The following CSMD1 variants were observed in gnomAD, a reference collection of about 807,000 sequenced individuals.
CSMD1 encodes CUB and sushi domain-containing protein 1.
Under a neutral mutation model 417.5 loss-of-function variants are expected in CSMD1, and 213 were observed. The observed-to-expected ratio is 0.51, with a 90% CI of 0.46 to 0.57. The LOEUF is 0.57. CSMD1 is among the 20% of genes least tolerant of loss of function. CSMD1 has a pLI of 0.00. For synonymous variants in CSMD1, 2,862 were observed against 1,736.8 expected, an observed-to-expected ratio of 1.65 and a Z score of -16.11; for missense variants, 6,923 against 4,529.7, an observed-to-expected ratio of 1.53 and a Z score of -15.17.
intron 3 of CSMD1, among the ~76,000 whole-genome samples, chr8:4,119,242 G>C (rs960130515): frequency 6.6e-6 from 1 of 151,910 alleles, no homozygotes; most frequent in Non-Finnish European, 1.5e-5. Context: ...ATGTGTCCTA[G>C]AACTTAAAGT....
intron 50 of CSMD1, among the ~76,000 whole-genome samples, chr8:3,035,325 C>T (rs771355076): frequency 1.3e-5 from 2 of 152,068 alleles, no homozygotes; most frequent in African/African-American, 2.4e-5. Flanking sequence ...GTAAGCGGAT[C>T]CTCACTCACA....
intron 50 of CSMD1, 28 bp from the exon 51 acceptor site, chr8:3,029,541 C>T (rs1198996475): frequency 2.6e-6 from 4 of 1,552,658 alleles, no homozygotes; most frequent in Non-Finnish European, 3.5e-6. Context: ...ATCACATCAT[C>T]ATTTTTCTTT....
At chr8:3,144,675 C>T (rs1446540628) in intron 40 of CSMD1, among the ~76,000 whole-genome samples, 1 of 151,826 alleles carries the variant, frequency 6.6e-6, no homozygotes, top group African/African-American at 2.4e-5. Context: ...TCAAATACTG[C>T]TGTTTGTTGA....
At chr8:3,273,436 G>A (rs1038505781) in intron 26 of CSMD1, among the ~76,000 whole-genome samples, 22 of 152,122 alleles carry the variant, frequency 1.4e-4, no homozygotes, top group Admixed American at 5.2e-4. Context: ...TCAGGATGAT[G>A]CTGGCCTCAT....
chr8:3,451,740 C>CAGGT (rs921533485), intron 12 of CSMD1, among the ~76,000 whole-genome samples: 3 of 152,160 alleles, frequency 2.0e-5, no homozygotes, highest in Non-Finnish European at 2.9e-5. Context: ...AGTTTGAAGT[C>CAGGT]AGGTAGCATG....
At chr8:4,808,811 A>G (rs758015192) in intron 1 of CSMD1, among the ~76,000 whole-genome samples, 2 of 152,254 alleles carry the variant, frequency 1.3e-5, no homozygotes, top group Admixed American at 6.5e-5. Flanking sequence ...ACAGGCATGT[A>G]ATAAAGTGAT....
Position 3,817,216 on chromosome 8 carries a change from G to C in CSMD1, c.819-63174C>G, listed in dbSNP as rs528735238. ...AATGGTCAATTGTCCACTCTGGAAAGGATCTCCAAATCCAAAGTGGTCATA... is the reference window on the plus strand; with the variant it reads ...AATGGTCAATTGTCCACTCTGGAAACGATCTCCAAATCCAAAGTGGTCATA... On this transcript the variant is annotated intron_variant, in intron 5 of 69. Transcript: ENST00000635120. Among the ~76,000 whole-genome samples, 27 of 137,428 alleles carry C rather than the reference G, an allele frequency of 2.0e-4. No homozygotes were observed. In the South Asian group the frequency reaches 5.9e-3, roughly 30 times the overall value. The allele number at this position is 137,428 out of a possible 152,430, so 90.2% of individuals were successfully genotyped here.
chr8:3,280,495 TC>T (rs1240398841), intron 26 of CSMD1, among the ~76,000 whole-genome samples: 6 of 152,162 alleles, frequency 3.9e-5, no homozygotes, highest in African/African-American at 1.4e-4. Flanking sequence ...AGAAAATCCT[TC>T]ATTTAAATGC....
chr8:4,084,378 A>T (rs1800309822), intron 3 of CSMD1, among the ~76,000 whole-genome samples: 1 of 152,124 alleles, frequency 6.6e-6, no homozygotes, highest in African/African-American at 2.4e-5. Context: ...CTAGAATTAG[A>T]AACAATATGC....
chr8:3,862,088 G>A (rs973529617), intron 5 of CSMD1, among the ~76,000 whole-genome samples: 2 of 152,148 alleles, frequency 1.3e-5, no homozygotes, highest in African/African-American at 4.8e-5. Flanking sequence ...TTTGCCATCA[G>A]TGAAAATACA....
intron 1 of CSMD1, among the ~76,000 whole-genome samples, chr8:4,669,550 G>C (rs1442325958): frequency 6.6e-6 from 1 of 152,132 alleles, no homozygotes; most frequent in African/African-American, 2.4e-5. Flanking sequence ...AGAATTTTCA[G>C]AGATTTTTTT....
chr8:4,854,547 T>C (rs1026669391), intron 1 of CSMD1, among the ~76,000 whole-genome samples: 6 of 152,136 alleles, frequency 3.9e-5, no homozygotes, highest in Non-Finnish European at 2.9e-5. Flanking sequence ...TGCAGGTCAG[T>C]GGGTGCGCGC....
chr8:2,942,335 G>C (rs1395876544), intron 69 of CSMD1, 137 bp downstream of exon 69: 1 of 816,494 alleles, frequency 1.2e-6, no homozygotes, highest in Non-Finnish European at 1.8e-6. Flanking sequence ...CAAAATAAAA[G>C]TTGATTTAAA....
At chr8:4,067,508 T>C (rs930971023) in intron 3 of CSMD1, among the ~76,000 whole-genome samples, 1 of 152,164 alleles carries the variant, frequency 6.6e-6, no homozygotes, top group Non-Finnish European at 1.5e-5. Context: ...TCAAAATTTT[T>C]AAATGCATTT....
At chr8:4,358,847 A>G (rs1487079691) in intron 3 of CSMD1, among the ~76,000 whole-genome samples, 1 of 152,182 alleles carries the variant, frequency 6.6e-6, no homozygotes. Context: ...CAGTGCTCAA[A>G]TAACTTTTAA....
chr8:3,661,778 T>C (rs1798432011), intron 7 of CSMD1, among the ~76,000 whole-genome samples: 1 of 152,184 alleles, frequency 6.6e-6, no homozygotes, highest in African/African-American at 2.4e-5. Flanking sequence ...GTGACAGGCC[T>C]GAGCCACCAT....
At chr8:4,650,491 A>G (rs892322054) in intron 1 of CSMD1, among the ~76,000 whole-genome samples, 5 of 152,180 alleles carry the variant, frequency 3.3e-5, no homozygotes, top group Non-Finnish European at 5.9e-5. Context: ...TGTGGGCAAG[A>G]AATCAAAGCC....
intron 1 of CSMD1, among the ~76,000 whole-genome samples, chr8:4,901,086 T>A (rs1804840636): frequency 6.6e-6 from 1 of 152,242 alleles, no homozygotes; most frequent in South Asian, 2.1e-4. Context: ...ATTCAACTTA[T>A]TATTTTGGGC....
chr8:3,786,058 G>A lies in CSMD1; in HGVS notation c.819-32016C>T, dbSNP rs541443865. 2.6e-5 allele frequency among the ~76,000 whole-genome samples: 4 copies of A among 152,194 alleles called. No individual in the cohort carries two copies. In the East Asian group the frequency reaches 7.8e-4, roughly 30 times the overall value. ...AGGACGGAAGAAGTGATGTTTGGGAGGTGAGAATGAGCAGGCCTCATTGAA... is the reference window on the plus strand; with the variant it reads ...AGGACGGAAGAAGTGATGTTTGGGAAGTGAGAATGAGCAGGCCTCATTGAA... On this transcript the variant is annotated intron_variant, in intron 5 of 69. Transcript: ENST00000635120.
Sources: gnomAD v4.1 joint callset for allele counts (sites outside exome capture counted in the v4.1 genomes callset) on GRCh38, gnomAD v4.1.1 for gene constraint, MANE v1.5 for transcripts, NCBI Gene and HGNC (gene_info 2026-07-23, HGNC 2026-07-21) for gene names.